ATP6V1E2: variants seen among roughly 807,000 people sequenced by gnomAD.
ATP6V1E2 encodes V-type proton ATPase subunit E 2.
For synonymous variants in ATP6V1E2, 121 were observed against 104.2 expected (o/e 1.16, Z -0.98); for missense variants, 308 against 273.3 (o/e 1.13, Z -0.90).
intron 4 of ATP6V1E2, chr2:46,518,962 C>T (rs1170374065): frequency 6.6e-6 from 1 of 152,216 alleles, no homozygotes; most frequent in East Asian, 1.9e-4. Context: ...CTGCCAGGGG[C>T]CTGCCTTTGC....
rs932770881 is a variant in ATP6V1E2, at chr2:46,535,603, C to A, written c.-102+210G>T. 2 of 152,212 alleles carry A rather than the reference C, an allele frequency of 1.3e-5. No individual in the cohort carries two copies. The highest frequency in any genetic ancestry group is 2.9e-5 in the Non-Finnish European group (2 of 68,072). The allele number at this position is 152,212 out of a possible 1,614,324, so 9.4% of individuals were successfully genotyped here. A position where few individuals can be genotyped will look rare whatever the true frequency, so the allele number is the denominator to read the frequency against. The stretch of plus-strand genomic sequence containing the variant: ...TTCTGAACCAGGAACTCAATTATAC[C>A]ACAACCAACACCACTGCCTGCCCTG... On this transcript the variant is annotated intron_variant, in intron 4 of 4. Transcript: ENST00000522587. This position sits in a 1 kb window ranked among gnomAD's most constrained non-coding sequence, Gnocchi z 4.4.
intron 4 of ATP6V1E2, among the ~76,000 whole-genome samples, chr2:46,523,083 GTTTTT>G (rs776096952): frequency 6.6e-6 from 1 of 150,572 alleles, no homozygotes; most frequent in African/African-American, 2.4e-5. Flanking sequence ...ACTTTTTGAT[GTTTTT>G]TTTTAATTGT....
chr2:46,522,454 C>CA (rs1469097116), intron 4 of ATP6V1E2, among the ~76,000 whole-genome samples: 1 of 105,048 alleles, frequency 9.5e-6, no homozygotes, highest in Non-Finnish European at 1.8e-5. Context: ...CATGTGTTCT[C>CA]AATGTTCAAC....
chr2:46,542,449 C>A lies in ATP6V1E2; in HGVS notation c.-606G>T, dbSNP rs1667832655. ...CTTGCGCGAGGAGCCCTCGGCTCCCCAGGCGACTCCCCTCCTCCCCTCCGC... is the reference window on the plus strand; with the variant it reads ...CTTGCGCGAGGAGCCCTCGGCTCCCAAGGCGACTCCCCTCCTCCCCTCCGC... On this transcript the variant is annotated 5_prime_UTR_variant, in exon 1 of 5. Transcript: ENST00000522587. The A allele has an allele frequency of 6.6e-6, 1 of 151,226 alleles. No individual in the cohort carries two copies. Among genetic ancestry groups the A allele is most frequent in the Admixed American group, 6.6e-5 (1 of 15,198 alleles). The allele number at this position is 151,226 out of a possible 1,614,324, so 9.4% of individuals were successfully genotyped here. A position where few individuals can be genotyped will look rare whatever the true frequency, so the allele number is the denominator to read the frequency against.
At chr2:46,541,319 T>C (rs533967233) in intron 2 of ATP6V1E2, 71 bp downstream of exon 2, 2 of 152,340 alleles carry the variant, frequency 1.3e-5, no homozygotes, top group East Asian at 3.9e-4. Context: ...TGCGCATACC[T>C]AGTCGCAGAC....
At chr2:46,533,798 T>C (rs963481163) in intron 4 of ATP6V1E2, among the ~76,000 whole-genome samples, 1 of 152,232 alleles carries the variant, frequency 6.6e-6, no homozygotes, top group African/African-American at 2.4e-5. Context: ...AAACATTTAT[T>C]TTACCTTCAA....
chr2:46,524,459 A>G (rs969494668), intron 4 of ATP6V1E2, among the ~76,000 whole-genome samples: 1 of 152,242 alleles, frequency 6.6e-6, no homozygotes. Context: ...AGCAGAATTT[A>G]TCCAAATAGA....
intron 4 of ATP6V1E2, among the ~76,000 whole-genome samples, chr2:46,514,066 GGTCAATA>G (rs1687600355): frequency 6.6e-6 from 1 of 151,890 alleles, no homozygotes; most frequent in Non-Finnish European, 1.5e-5. Flanking sequence ...GATCAACTGA[GGTCAATA>G]GTTCAAGACC....
At chr2:46,534,065 T>C (rs1667321550) in intron 4 of ATP6V1E2, among the ~76,000 whole-genome samples, 2 of 152,250 alleles carry the variant, frequency 1.3e-5, no homozygotes, top group South Asian at 4.1e-4. Flanking sequence ...TGCTTTGTTT[T>C]TCTCCTACTT....
intron 4 of ATP6V1E2, among the ~76,000 whole-genome samples, chr2:46,523,712 G>T (rs756074696): frequency 1.3e-5 from 2 of 152,038 alleles, no homozygotes; most frequent in Non-Finnish European, 2.9e-5. Flanking sequence ...TTGGCTATAT[G>T]GGGTCTTCTT....
chr2:46,536,867 T>C (rs1341406521), intron 2 of ATP6V1E2, among the ~76,000 whole-genome samples, 164 bp from the exon 3 acceptor site: 1 of 151,750 alleles, frequency 6.6e-6, no homozygotes, highest in East Asian at 1.9e-4. Context: ...CATTGCAACC[T>C]CTGCCTCCCG....
chr2:46,539,545 C>A (rs1332724685), intron 2 of ATP6V1E2, among the ~76,000 whole-genome samples: 1 of 152,252 alleles, frequency 6.6e-6, no homozygotes, highest in Non-Finnish European at 1.5e-5. Context: ...TGGCCTTTGG[C>A]CTTTGTACAG....
chr2:46,534,167 T>C (rs1277760214), intron 4 of ATP6V1E2: 1 of 152,200 alleles, frequency 6.6e-6, no homozygotes, highest in Non-Finnish European at 1.5e-5. Context: ...CGTTAATCCT[T>C]TTCGAGGACT....
chr2:46,524,218 T>C (rs771834331), intron 4 of ATP6V1E2, among the ~76,000 whole-genome samples: 3 of 152,222 alleles, frequency 2.0e-5, no homozygotes, highest in Non-Finnish European at 4.4e-5. Context: ...ATACACTTTA[T>C]AATGTATTGT....
At chr2:46,529,349 C>A (rs965514358) in intron 4 of ATP6V1E2, among the ~76,000 whole-genome samples, 1 of 152,206 alleles carries the variant, frequency 6.6e-6, no homozygotes, top group Non-Finnish European at 1.5e-5. Flanking sequence ...CAGTGCTGTC[C>A]CTCACCATGC....
intron 4 of ATP6V1E2, among the ~76,000 whole-genome samples, chr2:46,515,624 C>CA (rs960947524): frequency 6.6e-6 from 1 of 151,768 alleles, no homozygotes; most frequent in Non-Finnish European, 1.5e-5. Context: ...AGCCGTGAGA[C>CA]AAAAAACAAA....
intron 4 of ATP6V1E2, among the ~76,000 whole-genome samples, chr2:46,515,480 C>T (rs538919578): frequency 1.5e-4 from 23 of 151,786 alleles, no homozygotes; most frequent in African/African-American, 5.6e-4. Context: ...ACAGTTACTA[C>T]AAAGAAAATA....
intron 2 of ATP6V1E2, among the ~76,000 whole-genome samples, chr2:46,540,511 T>G (rs1324611888): frequency 2.0e-5 from 3 of 150,874 alleles, no homozygotes; most frequent in African/African-American, 4.9e-5. Flanking sequence ...TTTCAACATT[T>G]GCACAAATAA....
intron 4 of ATP6V1E2, among the ~76,000 whole-genome samples, chr2:46,521,512 C>T (rs922928987): frequency 4.6e-5 from 7 of 152,140 alleles, no homozygotes; most frequent in African/African-American, 1.7e-4. Flanking sequence ...GGCCTCCAGA[C>T]ACTTAGAGAT....
Sources: gnomAD v4.1 joint callset for allele counts (sites outside exome capture counted in the v4.1 genomes callset) on GRCh38, gnomAD v4.1.1 for gene constraint, Gnocchi (gnomAD v3.1) non-coding constraint, MANE v1.5 for transcripts, NCBI Gene and HGNC (gene_info 2026-07-23, HGNC 2026-07-21) for gene names.